The following GAN variants were observed in gnomAD, a reference collection of about 807,000 sequenced individuals.
The protein encoded by GAN is epididymis secretory sperm binding protein.
A neutral mutation model predicts 71.3 loss-of-function variants in GAN; 48 were observed. The ratio of observed to expected loss-of-function variants is 0.67; its 90% CI spans 0.53 to 0.86. The LOEUF (loss-of-function observed/expected upper bound fraction) is 0.86. GAN is among the 40% of genes least tolerant of loss of function. The pLI is 0.00. For synonymous variants in GAN, 386 were observed against 276.8 expected, an observed-to-expected ratio of 1.39 and a Z score of -3.92; for missense variants, 928 against 770.1, an observed-to-expected ratio of 1.21 and a Z score of -2.43.
chr16:81,369,745 C>G (rs1910975935), intron 9 of GAN, among the ~76,000 whole-genome samples: 1 of 152,202 alleles, frequency 6.6e-6, no homozygotes. Flanking sequence ...GCGCCCGCCA[C>G]CGCGCCCAGC....
intron 5 of GAN, among the ~76,000 whole-genome samples, chr16:81,358,201 G>C (rs1597403522): frequency 1.3e-5 from 2 of 152,316 alleles, no homozygotes; most frequent in South Asian, 2.1e-4. Context: ...GCAAACTTCA[G>C]TGATGCTTAC....
intron 5 of GAN, among the ~76,000 whole-genome samples, chr16:81,359,410 T>G (rs4889312): frequency 0.19 from 28,822 of 148,050 alleles, 4,021 homozygotes; most frequent in East Asian, 0.67. Flanking sequence ...GCATTGTTTT[T>G]TTTTTTTTTT....
chr16:81,354,459 C>G lies in GAN; in HGVS notation c.337C>G (p.Leu113Val), dbSNP rs1415248385. The change falls in exon 3 of 11, where the codon CTA (leucine) becomes GTA (valine). Residue 113 changes from leucine (L) to valine (V), a missense_variant. Leu to Val is a conservative substitution (Grantham distance 32). Transcript: ENST00000648994. ...QDVVQAADLL[L>V]LTDLKTLCCE... ...TGTTGTTCAGGCAGCTGACCTGCTG[C>G]TACTGACGGACCTTAAAACCCTGTG... The G allele has an allele frequency of 6.2e-7, 1 of 1,613,980 alleles. No individual in the cohort carries two copies.
chr16:81,336,163 C>T (rs908120688), intron 1 of GAN, among the ~76,000 whole-genome samples: 2 of 152,172 alleles, frequency 1.3e-5, no homozygotes, highest in Admixed American at 1.3e-4. Flanking sequence ...GAGGGCAGCT[C>T]ACCTGTAGGC....
At chr16:81,349,837 T>C (rs1910240024) in intron 1 of GAN, among the ~76,000 whole-genome samples, 2 of 152,216 alleles carry the variant, frequency 1.3e-5, no homozygotes, top group Admixed American at 1.3e-4. Flanking sequence ...TGCTTTTCTT[T>C]TCTTAGAAAA....
chr16:81,378,984 A>G lies in GAN; in HGVS notation c.*1388A>G, dbSNP rs41484544. ...CTAAATTGAATTTTATGCAATGTCA[A>G]ATTTCTAATCAATTTAATATACAGT... On this transcript the variant is annotated 3_prime_UTR_variant, in exon 11 of 11. Transcript: ENST00000648994. The G allele has an allele frequency of 0.049, 7,459 of 152,200 alleles. 317 individuals carry two copies. The highest frequency in any genetic ancestry group is 0.12 in the African/African-American group (4,959 of 41,472). 9.4% of individuals were successfully genotyped at this position (152,200 alleles called of 1,614,324 possible). A position where few individuals can be genotyped will look rare whatever the true frequency, so the allele number is the denominator to read the frequency against.
chr16:81,377,660 A>G lies in GAN; in HGVS notation c.*64A>G. ...GCACCATAACATAGCTCCGAAAGGG[A>G]GAGCAGAGATGGCAGCTGAAACTCA... On this transcript the variant is annotated 3_prime_UTR_variant, in exon 11 of 11. Coordinates refer to ENST00000648994, the MANE Select transcript of GAN (RefSeq NM_022041.4). 3 of 1,433,164 alleles carry G rather than the reference A, an allele frequency of 2.1e-6. No homozygotes were observed. Among genetic ancestry groups the G allele is most frequent in the Non-Finnish European group, 3.0e-6 (3 of 1,016,302 alleles). The allele number at this position is 1,433,164 out of a possible 1,614,324, so 88.8% of individuals were successfully genotyped here.
At chr16:81,371,397 A>G (rs1299160188) in intron 9 of GAN, among the ~76,000 whole-genome samples, 4 of 152,212 alleles carry the variant, frequency 2.6e-5, no homozygotes, top group Non-Finnish European at 2.9e-5. Context: ...AATCCTGGAT[A>G]TGGTTACTAT....
rs1016481968 is a variant in GAN at position 81,385,597 on chromosome 16, G to C, written c.*8001G>C. ...GAGTGCCTTGTGTGCAGTGACCACT[G>C]TTGCTGCCACCATGATTATGTCACC... On this transcript the variant is annotated 3_prime_UTR_variant, in exon 11 of 11. Transcript: ENST00000648994. 6.6e-6 allele frequency: 1 copy of C among 152,262 alleles called. No individual in the cohort carries two copies. Among genetic ancestry groups the C allele is most frequent in the Non-Finnish European group, 1.5e-5 (1 of 68,166 alleles). 9.4% of individuals were successfully genotyped at this position (152,262 alleles called of 1,614,324 possible). A position where few individuals can be genotyped will look rare whatever the true frequency, so the allele number is the denominator to read the frequency against.
intron 1 of GAN, among the ~76,000 whole-genome samples, chr16:81,325,871 C>T (rs1476207937): frequency 6.6e-6 from 1 of 152,250 alleles, no homozygotes; most frequent in Admixed American, 6.5e-5. Flanking sequence ...TAGCCCTTGA[C>T]AGCTCTGCAG....
intron 9 of GAN, among the ~76,000 whole-genome samples, chr16:81,369,739 C>T (rs1405659497): frequency 2.0e-5 from 3 of 152,168 alleles, no homozygotes; most frequent in East Asian, 1.9e-4. Flanking sequence ...CTACAGGCGC[C>T]CGCCACCGCG....
intron 1 of GAN, among the ~76,000 whole-genome samples, chr16:81,339,190 G>C (rs1157817005): frequency 1.3e-5 from 2 of 152,172 alleles, no homozygotes; most frequent in Non-Finnish European, 2.9e-5. Flanking sequence ...TCACCCAAGA[G>C]CTCATTACAA....
At chr16:81,350,429 C>A (rs1170165579) in intron 1 of GAN, among the ~76,000 whole-genome samples, 1 of 152,122 alleles carries the variant, frequency 6.6e-6, no homozygotes, top group Non-Finnish European at 1.5e-5. Flanking sequence ...GTAAACAGCG[C>A]CACCTACTAT....
intron 1 of GAN, among the ~76,000 whole-genome samples, chr16:81,337,391 C>G (rs1338508345): frequency 6.6e-6 from 1 of 152,178 alleles, no homozygotes; most frequent in African/African-American, 2.4e-5. Context: ...AAATATGTTT[C>G]CTTGCTTTTA....
At chr16:81,369,460 G>A (rs766447856) in intron 9 of GAN, among the ~76,000 whole-genome samples, 1 of 152,166 alleles carries the variant, frequency 6.6e-6, no homozygotes, top group Non-Finnish European at 1.5e-5. Flanking sequence ...GAAAATCTTG[G>A]AAAATTTTTA....
chr16:81,380,172 CTCATT>C lies in GAN; in HGVS notation c.*2581_*2585del, dbSNP rs1904298202. On this transcript the variant is annotated 3_prime_UTR_variant, in exon 11 of 11. Transcript: ENST00000648994. ...TTCAGTATTGTAAAATAAATGTTGA[CTCATT>C]TCATGCAGGTTTGTGTTTTAACATT... 1 of 152,534 alleles carries C rather than the reference CTCATT, an allele frequency of 6.6e-6. No homozygotes were observed. Among genetic ancestry groups the C allele is most frequent in the Non-Finnish European group, 1.5e-5 (1 of 68,012 alleles). The allele number at this position is 152,534 out of a possible 1,614,324, so 9.4% of individuals were successfully genotyped here. A position where few individuals can be genotyped will look rare whatever the true frequency, so the allele number is the denominator to read the frequency against.
At chr16:81,348,901 A>G (rs2150682333) in intron 1 of GAN, among the ~76,000 whole-genome samples, 1 of 152,308 alleles carries the variant, frequency 6.6e-6, no homozygotes, top group Non-Finnish European at 1.5e-5. Context: ...TTTTAGGAGC[A>G]GAGTTGAGAG....
chr16:81,365,574 T>A, intron 9 of GAN, 96 bp downstream of exon 9: 1 of 1,224,992 alleles, frequency 8.2e-7, no homozygotes, highest in Non-Finnish European at 1.2e-6. Context: ...GTCACTTTAT[T>A]AAATTATGGA....
At position 81,354,447 on chromosome 16, in the gene GAN, GC is replaced by G; in HGVS notation, c.326del (p.Ala109ValfsTer6). The G allele has an allele frequency of 6.2e-7, 1 of 1,613,828 alleles. No individual in the cohort carries two copies. The highest frequency in any genetic ancestry group is 8.5e-7 in the Non-Finnish European group (1 of 1,179,674). The stretch of plus-strand genomic sequence containing the variant: ...TACAATCCAAGATGTTGTTCAGGCA[GC>G]TGACCTGCTGCTACTGACGGACCTT... ...EDTIQDVVQA[A>X]DLLLLTDLKT... On this transcript the variant is annotated frameshift_variant, in exon 3 of 11. Transcript: ENST00000648994. LOFTEE classifies it high-confidence loss of function.
Sources: allele counts gnomAD v4.1 joint callset (sites outside exome capture counted in the v4.1 genomes callset), GRCh38; gene constraint gnomAD v4.1.1; transcripts MANE v1.5; gene names NCBI Gene and HGNC (gene_info 2026-07-23, HGNC 2026-07-21).